SUCLG1: variants seen among roughly 807,000 people sequenced by gnomAD.
The protein encoded by SUCLG1 is succinate--CoA ligase [ADP/GDP-forming] subunit alpha, mitochondrial.
In SUCLG1, 26 loss-of-function variants were observed where a neutral mutation model predicts 37.3. The ratio of observed to expected loss-of-function variants is 0.70; its 90% confidence interval spans 0.51 to 0.97. SUCLG1 has a LOEUF of 0.97. SUCLG1 is among the 50% of genes least tolerant of loss of function. The probability of loss-of-function intolerance (pLI) is 0.00; values close to 1 mark genes in which losing one functional copy is unlikely to be tolerated. For synonymous variants in SUCLG1, 163 were observed against 155.6 expected, an observed-to-expected ratio of 1.05 and a Z score of -0.36; for missense variants, 433 against 432.9, an observed-to-expected ratio of 1.00 and a Z score of 0.00.
At chr2:84,446,330 T>C (rs1266241720) in intron 2 of SUCLG1, among the ~76,000 whole-genome samples, 4 of 152,242 alleles carry the variant, frequency 2.6e-5, no homozygotes, top group Admixed American at 6.5e-5. Context: ...GTCCACTTTG[T>C]TCATTGCAAT....
At chr2:84,443,706 C>T (rs952681909) in intron 2 of SUCLG1, among the ~76,000 whole-genome samples, 2 of 152,136 alleles carry the variant, frequency 1.3e-5, no homozygotes, top group African/African-American at 2.4e-5. Context: ...AGATCATTAC[C>T]CTCCCACAAC....
At chr2:84,439,765 G>A (rs6721136) in intron 5 of SUCLG1, among the ~76,000 whole-genome samples, 101 of 152,288 alleles carry the variant, frequency 6.6e-4, no homozygotes, top group African/African-American at 2.4e-3. Flanking sequence ...TTGGTGTAAA[G>A]CCTAAACACA....
chr2:84,425,520 A>G lies in SUCLG1; in HGVS notation c.909T>C (p.Ile303=), dbSNP rs1672521919. The change falls in exon 8 of 9, where the codon ATT becomes ATC. Residue 303 remains isoleucine (I), a synonymous_variant. Transcript: ENST00000393868. ...TAGCTCCACCTTTTCCTCCAGCAAT[A>G]ATTGCCCCGGCATGACCCATTCTTC... The part of the protein sequence containing the change: ...PGRRMGHAGA[I]IAGGKGGAKE... 1 of 1,614,192 alleles carries G rather than the reference A, an allele frequency of 6.2e-7. No homozygotes were observed. Among genetic ancestry groups the G allele is most frequent in the East Asian group, 2.2e-5 (1 of 44,894 alleles).
intron 7 of SUCLG1, among the ~76,000 whole-genome samples, chr2:84,429,061 T>C (rs943953925): frequency 2.0e-5 from 3 of 152,258 alleles, no homozygotes; most frequent in South Asian, 2.1e-4. Context: ...ATCATTGTAA[T>C]GATAACAAGA....
intron 2 of SUCLG1, chr2:84,448,844 T>C: frequency 4.4e-6 from 1 of 229,388 alleles, no homozygotes; most frequent in Non-Finnish European, 9.2e-6. Context: ...ATATATATAA[T>C]TCTATATAAT....
In SUCLG1 at chr2:84,456,654, G is replaced by T. The variant is rs180778083; in HGVS notation, c.97+2519C>A. ...TGTATTTTCTCTCTCCACTTCAACTGGATCCTTTTCCTTTTTTCTCTTTTT... is the reference window on the plus strand; with the variant it reads ...TGTATTTTCTCTCTCCACTTCAACTTGATCCTTTTCCTTTTTTCTCTTTTT... On this transcript the variant is annotated intron_variant, in intron 1 of 8. Coordinates refer to ENST00000393868, the MANE Select transcript of SUCLG1 (RefSeq NM_003849.4). Among the ~76,000 whole-genome samples, 102 of 151,858 alleles carry T rather than the reference G, an allele frequency of 6.7e-4. 1 individual carries two copies. Among genetic ancestry groups the T allele is most frequent in the African/African-American group, 2.3e-3 (94 of 41,446 alleles).
chr2:84,443,339 G>A lies in SUCLG1; in HGVS notation c.263C>T (p.Pro88Leu). The A allele has an allele frequency of 1.2e-6, 2 of 1,614,178 alleles. No individual in the cohort carries two copies. The highest frequency in any genetic ancestry group is 1.7e-6 in the Non-Finnish European group (2 of 1,180,016). ...CAGATGTGTCTGGCCTCCTTTCCCT[G>A]GAGTGGTTCCTCCAACGAGTTTGGT... ...YGTKLVGGTT[P>L]GKGGQTHLGL... The change falls in exon 3 of 9, where the codon CCA (proline) becomes CTA (leucine). Residue 88 changes from proline (P) to leucine (L), a missense_variant. Physicochemically the swap from Pro to Leu is moderately conservative, Grantham distance 98. Coordinates refer to ENST00000393868, the MANE Select transcript of SUCLG1 (RefSeq NM_003849.4).
rs771657618 is a variant in SUCLG1, at chr2:84,433,333, T to G, written c.673+19A>C. The G allele has an allele frequency of 1.2e-5, 19 of 1,611,256 alleles. No homozygotes were observed. The highest frequency in any genetic ancestry group is 1.6e-5 in the Non-Finnish European group (19 of 1,177,634). On this transcript the variant is annotated intron_variant, in intron 6 of 8. Transcript: ENST00000393868. ...AGACACCACACTCCAATAAAATGATTTTAGCAAAAGTCCCTCACCAACGCA... is the reference window on the plus strand; with the variant it reads ...AGACACCACACTCCAATAAAATGATGTTAGCAAAAGTCCCTCACCAACGCA...
At chr2:84,451,331 A>G (rs1672938624) in intron 1 of SUCLG1, among the ~76,000 whole-genome samples, 1 of 152,214 alleles carries the variant, frequency 6.6e-6, no homozygotes, top group Admixed American at 6.5e-5. Flanking sequence ...AAGGTAGAAG[A>G]TTTGATTATA....
intron 5 of SUCLG1, among the ~76,000 whole-genome samples, chr2:84,435,051 T>C (rs1672665227): frequency 6.6e-6 from 1 of 152,238 alleles, no homozygotes; most frequent in African/African-American, 2.4e-5. Flanking sequence ...CGTGGAACTC[T>C]GCTCTAACTC....
chr2:84,440,992 G>A, intron 5 of SUCLG1, 55 bp downstream of exon 5: 1 of 1,559,080 alleles, frequency 6.4e-7, no homozygotes, highest in Non-Finnish European at 8.8e-7. Flanking sequence ...TGTGAGTTTT[G>A]AGGGTTTAAG....
At chr2:84,435,001 T>C in intron 5 of SUCLG1, among the ~76,000 whole-genome samples, 1 of 152,216 alleles carries the variant, frequency 6.6e-6, no homozygotes, top group Non-Finnish European at 1.5e-5. Flanking sequence ...TGCATTTCAC[T>C]AGACAGTGAC....
At chr2:84,425,628 T>C in intron 7 of SUCLG1, 25 bp from the exon 8 acceptor site, 4 of 1,613,348 alleles carry the variant, frequency 2.5e-6, no homozygotes, top group Non-Finnish European at 3.4e-6. Context: ...ATATTTTAAA[T>C]GCTCTAATGA....
rs374712756 is a variant in SUCLG1 at position 84,434,009 on chromosome 2, CCT to C, written c.590-576_590-575del. Among the ~76,000 whole-genome samples the C allele has an allele frequency of 5.9e-5, 9 of 152,074 alleles. No individual in the cohort carries two copies. The East Asian group carries it at 1.7e-3, about 29-fold the overall frequency. On this transcript the variant is annotated intron_variant, in intron 5 of 8. Transcript: ENST00000393868. ...GAGCTGGTTCTTGAAAAGATCCTGG[CCT>C]CTCTCATTCCCTCTCTCACCATGTG...
At chr2:84,447,935 T>C (rs145725307) in intron 2 of SUCLG1, among the ~76,000 whole-genome samples, 378 of 152,152 alleles carry the variant, frequency 2.5e-3, no homozygotes, top group African/African-American at 8.6e-3. Flanking sequence ...TCCCACCATG[T>C]TGCCCAGGCT....
At chr2:84,443,897 A>T (rs757646622) in intron 2 of SUCLG1, among the ~76,000 whole-genome samples, 1 of 152,186 alleles carries the variant, frequency 6.6e-6, no homozygotes, top group East Asian at 1.9e-4. Context: ...ACCTTAAGTA[A>T]GCCTTCAATA....
At chr2:84,449,516 T>C (rs1226668952) in intron 2 of SUCLG1, 133 bp downstream of exon 2, 1 of 625,236 alleles carries the variant, frequency 1.6e-6, no homozygotes, top group Admixed American at 3.3e-5. Context: ...CCTCCTGAGA[T>C]ACAACCCCAT....
chr2:84,429,742 C>T (rs546703767), intron 7 of SUCLG1, among the ~76,000 whole-genome samples: 16 of 152,264 alleles, frequency 1.1e-4, no homozygotes, highest in East Asian at 3.9e-4. Flanking sequence ...ACATGGGAAA[C>T]ACTGTCTGAT....
At chr2:84,442,830 T>C (rs1672795041) in intron 3 of SUCLG1, among the ~76,000 whole-genome samples, 1 of 152,190 alleles carries the variant, frequency 6.6e-6, no homozygotes. Flanking sequence ...TGTGAGACCA[T>C]GGGCAAGATC....
Sources: allele counts gnomAD v4.1 joint callset (sites outside exome capture counted in the v4.1 genomes callset), GRCh38; gene constraint gnomAD v4.1.1; transcripts MANE v1.5; gene names NCBI Gene and HGNC (gene_info 2026-07-23, HGNC 2026-07-21).